XKR6: variants seen among roughly 807,000 people sequenced by gnomAD.
XKR6 encodes the protein XK related 6.
A neutral mutation model predicts 56.7 loss-of-function variants in XKR6; 22 were observed. The observed-to-expected ratio is 0.39, with a 90% CI of 0.28 to 0.55. XKR6 has a LOEUF of 0.55. Ranked by LOEUF, XKR6 falls within the 20% of genes least tolerant of loss-of-function variation. The probability of loss-of-function intolerance (pLI) is 0.66; values close to 1 mark genes in which losing one functional copy is unlikely to be tolerated. For missense variants in XKR6, 852 were observed against 889.0 expected (o/e 0.96, Z 0.53); for synonymous variants, 524 against 387.8 (o/e 1.35, Z -4.13).
intron 2 of XKR6, among the ~76,000 whole-genome samples, chr8:10,922,245 A>G (rs949584917): frequency 2.0e-5 from 3 of 152,264 alleles, no homozygotes; most frequent in Admixed American, 1.3e-4. Context: ...TCATTTTGAG[A>G]AAAAGAAGGA....
chr8:10,977,970 C>T (rs4451266), intron 1 of XKR6, among the ~76,000 whole-genome samples: 85,615 of 151,974 alleles, frequency 0.56, 26,537 homozygotes, highest in African/African-American at 0.82. Flanking sequence ...AACTGTCACC[C>T]ACATGTCTCC....
chr8:10,972,696 G>A (rs1447555187), intron 1 of XKR6, among the ~76,000 whole-genome samples: 1 of 152,192 alleles, frequency 6.6e-6, no homozygotes, highest in Admixed American at 6.5e-5. Flanking sequence ...GGCTTGCCAG[G>A]GGCTGGGGAA....
chr8:11,083,314 C>T (rs1235546530), intron 1 of XKR6, among the ~76,000 whole-genome samples: 1 of 152,166 alleles, frequency 6.6e-6, no homozygotes, highest in East Asian at 1.9e-4. Flanking sequence ...TGTTCCCCTA[C>T]CTCCCCATAC....
chr8:11,200,850 G>T lies in XKR6; in HGVS notation c.490C>A (p.Leu164Met), dbSNP rs756497025. Reference protein sequence around the residue: ...YRKGDYVYFGLTLFFVLVPSL... With the variant: ...YRKGDYVYFGMTLFFVLVPSL... ...GGCACCAGCACGAAGAAGAGGGTCA[G>T]CCCGAAGTAGACGTAGTCCCCCTTG... Residue 164 changes from leucine (L) to methionine (M), a missense_variant, in exon 1 of 3, where the codon CTG becomes ATG. Leu to Met is a conservative substitution (Grantham distance 15). Coordinates refer to ENST00000416569, the MANE Select transcript of XKR6 (RefSeq NM_173683.4). This position sits in a 1 kb window ranked among gnomAD's most constrained non-coding sequence, Gnocchi z 6.4. 11 of 1,611,882 alleles carry T rather than the reference G, an allele frequency of 6.8e-6. No homozygotes were observed. The African/African-American group carries it at 1.3e-4, about 20-fold the overall frequency.
chr8:11,002,159 C>A (rs1798256561), intron 1 of XKR6, among the ~76,000 whole-genome samples: 1 of 152,130 alleles, frequency 6.6e-6, no homozygotes, highest in Admixed American at 6.5e-5. Context: ...TCAAAGGCAT[C>A]ACCCTGCTGT....
intron 1 of XKR6, among the ~76,000 whole-genome samples, chr8:11,176,128 C>T (rs974883584): frequency 2.6e-5 from 4 of 152,198 alleles, no homozygotes; most frequent in African/African-American, 7.2e-5. Context: ...CATCACTGAC[C>T]TGTGCTTAGC....
At chr8:10,952,518 A>G (rs940671106) in intron 1 of XKR6, among the ~76,000 whole-genome samples, 7 of 152,204 alleles carry the variant, frequency 4.6e-5, no homozygotes, top group Non-Finnish European at 1.0e-4. Context: ...CAGGGGCAAG[A>G]TCACAGCTCA....
intron 1 of XKR6, among the ~76,000 whole-genome samples, chr8:11,050,185 G>C (rs1298531366): frequency 1.3e-5 from 2 of 152,226 alleles, no homozygotes; most frequent in Non-Finnish European, 2.9e-5. Flanking sequence ...ATTCAGTGAA[G>C]CTGGCTGAGT....
At chr8:10,917,053 C>T (rs77672668) in intron 2 of XKR6, among the ~76,000 whole-genome samples, 2,536 of 148,944 alleles carry the variant, frequency 0.017, 81 homozygotes, top group African/African-American at 0.059. Flanking sequence ...TCTCCTGCTT[C>T]CCTGTCTTAG....
At chr8:10,991,252 A>T (rs1444718938) in intron 1 of XKR6, among the ~76,000 whole-genome samples, 1 of 151,940 alleles carries the variant, frequency 6.6e-6, no homozygotes, top group African/African-American at 2.4e-5. Context: ...GTAGGGGGGA[A>T]ATGCTGGTCA....
intron 1 of XKR6, among the ~76,000 whole-genome samples, chr8:11,015,352 C>T (rs1037681120): frequency 4.0e-5 from 6 of 151,098 alleles, no homozygotes; most frequent in Non-Finnish European, 8.8e-5. Flanking sequence ...TTTTTTTTTT[C>T]GGTCCAGATT....
At chr8:11,050,978 A>ATTCTCTGT (rs1401366884) in intron 1 of XKR6, among the ~76,000 whole-genome samples, 2 of 152,000 alleles carry the variant, frequency 1.3e-5, no homozygotes, top group East Asian at 3.9e-4. Context: ...ATGGCCCTTA[A>ATTCTCTGT]TTCTCTGTTT....
intron 1 of XKR6, among the ~76,000 whole-genome samples, chr8:10,964,139 C>A (rs1015819544): frequency 1.3e-5 from 2 of 152,190 alleles, no homozygotes; most frequent in African/African-American, 4.8e-5. Flanking sequence ...TCCTGTCTTG[C>A]ATTTACTCCC....
At chr8:11,052,162 T>C (rs187408746) in intron 1 of XKR6, among the ~76,000 whole-genome samples, 91 of 152,150 alleles carry the variant, frequency 6.0e-4, no homozygotes, top group African/African-American at 2.1e-3. Flanking sequence ...TCCAAGCAGG[T>C]TCCCACCCCA....
chr8:11,128,847 C>T, intron 1 of XKR6: 1 of 456,906 alleles, frequency 2.2e-6, no homozygotes, highest in Non-Finnish European at 4.4e-6. Context: ...ACCACCTCCA[C>T]TGTCACCATC....
intron 1 of XKR6, among the ~76,000 whole-genome samples, chr8:11,122,623 T>C (rs1799512441): frequency 6.6e-6 from 1 of 152,258 alleles, no homozygotes; most frequent in Non-Finnish European, 1.5e-5. Context: ...ATCAGGCCAA[T>C]TCTTTAGGTA....
intron 1 of XKR6, among the ~76,000 whole-genome samples, chr8:10,999,356 A>G (rs1798188165): frequency 6.6e-6 from 1 of 152,282 alleles, no homozygotes; most frequent in Non-Finnish European, 1.5e-5. Context: ...GTGTTGAAAG[A>G]AAAATTCAGG....
At chr8:11,153,675 G>C (rs1358358295) in intron 1 of XKR6, among the ~76,000 whole-genome samples, 1 of 152,134 alleles carries the variant, frequency 6.6e-6, no homozygotes, top group African/African-American at 2.4e-5. Flanking sequence ...GGTAGCAGCA[G>C]TAATCCTCTA....
At chr8:11,100,627 C>G (rs1225034851) in intron 1 of XKR6, among the ~76,000 whole-genome samples, 1 of 152,210 alleles carries the variant, frequency 6.6e-6, no homozygotes, top group Non-Finnish European at 1.5e-5. Flanking sequence ...AGCATTCACA[C>G]TTAACCCTTG....
Sources: allele counts gnomAD v4.1 joint callset (sites outside exome capture counted in the v4.1 genomes callset), GRCh38; gene constraint gnomAD v4.1.1; non-coding constraint Gnocchi (gnomAD v3.1); transcripts MANE v1.5; gene names NCBI Gene and HGNC (gene_info 2026-07-23, HGNC 2026-07-21).